The following SAMD5 variants were observed in gnomAD, a reference collection of about 807,000 sequenced individuals.
SAMD5 encodes the protein sterile alpha motif domain containing 5.
In SAMD5, 13 loss-of-function variants were observed where a neutral mutation model predicts 11.3. The ratio of observed to expected loss-of-function variants is 1.15; its 90% CI spans 0.75 to 1.83. SAMD5 has a LOEUF of 1.83. SAMD5 is among the 40% of genes most tolerant of loss of function. The pLI is 0.00. For synonymous variants in SAMD5, 129 were observed against 111.3 expected (o/e 1.16, Z -1.00); for missense variants, 255 against 239.1 (o/e 1.07, Z -0.44).
the SAMD5 span, among the ~76,000 whole-genome samples, chr6:147,890,713 AG>A: frequency 6.6e-6 from 1 of 152,122 alleles, no homozygotes. Context: ...ATACAGATGC[AG>A]GAAAATAGAG....
At chr6:147,750,696 G>A in the SAMD5 span, among the ~76,000 whole-genome samples, 21 of 152,286 alleles carry the variant, frequency 1.4e-4, no homozygotes, top group South Asian at 2.7e-3. Flanking sequence ...AGGCCAAGGC[G>A]GTGGATCACT....
At position 147,724,576 on chromosome 6, in the gene SAMD5, C is replaced by A. The variant is rs73787392; in HGVS notation, c.163-12741C>A. 8.4e-4 allele frequency among the ~76,000 whole-genome samples: 128 copies of A among 152,166 alleles called. 1 individual carries two copies. The highest frequency in any genetic ancestry group is 3.0e-3 in the African/African-American group (123 of 41,514). The stretch of plus-strand genomic sequence containing the variant: ...TGCCAATATTAAAAAGAAGAAAATT[C>A]TTTTAAAATGTGCAACTGAAAAAGT... On this transcript the variant is annotated intron_variant, in intron 1 of 1. Transcript: ENST00000566741.
the SAMD5 span, among the ~76,000 whole-genome samples, chr6:147,806,015 G>T: frequency 6.6e-6 from 1 of 152,078 alleles, no homozygotes; most frequent in African/African-American, 2.4e-5. Flanking sequence ...TTCATCTGGG[G>T]ACCACAGCAA....
At chr6:147,649,346 G>C (rs778317094) in intron 1 of SAMD5, among the ~76,000 whole-genome samples, 1 of 151,878 alleles carries the variant, frequency 6.6e-6, no homozygotes. Flanking sequence ...TCCAATTTGC[G>C]GAATATTGGC....
At chr6:147,825,198 G>C in the SAMD5 span, among the ~76,000 whole-genome samples, 2 of 152,266 alleles carry the variant, frequency 1.3e-5, no homozygotes, top group Non-Finnish European at 2.9e-5. Context: ...TAGGGAGGCT[G>C]AGGTAGGAGA....
intron 1 of SAMD5, among the ~76,000 whole-genome samples, chr6:147,719,905 G>C (rs1420454523): frequency 6.6e-6 from 1 of 152,074 alleles, no homozygotes; most frequent in Non-Finnish European, 1.5e-5. Context: ...TGAATAATCC[G>C]GGAAGATGCT....
chr6:147,940,354 A>T, the SAMD5 span, among the ~76,000 whole-genome samples: 6 of 152,130 alleles, frequency 3.9e-5, no homozygotes, highest in African/African-American at 1.4e-4. Flanking sequence ...TCCATATTCT[A>T]CTAGTTAGAA....
chr6:147,892,081 C>A, the SAMD5 span, among the ~76,000 whole-genome samples: 5 of 152,214 alleles, frequency 3.3e-5, no homozygotes, highest in East Asian at 3.9e-4. Flanking sequence ...TCAGGCTCTC[C>A]TGGGTTGCAA....
the SAMD5 span, among the ~76,000 whole-genome samples, chr6:147,763,974 G>A: frequency 5.9e-5 from 9 of 152,162 alleles, no homozygotes; most frequent in African/African-American, 2.2e-4. Flanking sequence ...TCCTGACTTG[G>A]GTGCACACGT....
chr6:147,758,493 G>A, the SAMD5 span, among the ~76,000 whole-genome samples: 1 of 152,248 alleles, frequency 6.6e-6, no homozygotes, highest in African/African-American at 2.4e-5. Flanking sequence ...CGTCCTGTCT[G>A]CCCATCCTAT....
chr6:147,755,328 T>A, the SAMD5 span, among the ~76,000 whole-genome samples: 1 of 152,234 alleles, frequency 6.6e-6, no homozygotes, highest in Middle Eastern at 3.4e-3. Flanking sequence ...CTATAGTAAA[T>A]GGTATTACTT....
At chr6:147,763,776 G>T in the SAMD5 span, among the ~76,000 whole-genome samples, 260 of 151,858 alleles carry the variant, frequency 1.7e-3, no homozygotes, top group African/African-American at 6.0e-3. Context: ...TAGAGACGGG[G>T]TTTCACCGTG....
the SAMD5 span, among the ~76,000 whole-genome samples, chr6:147,870,011 G>A: frequency 5.7e-4 from 86 of 152,122 alleles, no homozygotes; most frequent in African/African-American, 2.0e-3. Flanking sequence ...CACCACGCCC[G>A]GCCAATATAA....
At chr6:147,645,886 G>A (rs1028000185) in intron 1 of SAMD5, among the ~76,000 whole-genome samples, 11 of 152,128 alleles carry the variant, frequency 7.2e-5, no homozygotes, top group South Asian at 2.1e-4. Flanking sequence ...ATACATCCAC[G>A]GGCCGGAACT....
At chr6:147,683,388 T>G (rs932675586) in intron 1 of SAMD5, among the ~76,000 whole-genome samples, 3 of 152,252 alleles carry the variant, frequency 2.0e-5, no homozygotes, top group African/African-American at 7.2e-5. Flanking sequence ...TCTAAAGAGA[T>G]CTCTGTCTAT....
chr6:147,583,078 C>G (rs1288855034), intron 1 of SAMD5, among the ~76,000 whole-genome samples: 1 of 152,180 alleles, frequency 6.6e-6, no homozygotes, highest in Non-Finnish European at 1.5e-5. Flanking sequence ...AAGCAACATA[C>G]CCTTTCATTA....
chr6:147,666,014 C>G (rs1158744750), intron 1 of SAMD5, among the ~76,000 whole-genome samples: 2 of 152,238 alleles, frequency 1.3e-5, no homozygotes. Flanking sequence ...TCTCGGCTCA[C>G]TGCAACCTCC....
the SAMD5 span, among the ~76,000 whole-genome samples, chr6:147,778,646 C>G: frequency 3.9e-5 from 6 of 152,144 alleles, no homozygotes; most frequent in African/African-American, 1.2e-4. Flanking sequence ...TTGATTGGGT[C>G]TTGGTTCAAA....
chr6:147,905,951 A>C, the SAMD5 span, among the ~76,000 whole-genome samples: 1 of 152,190 alleles, frequency 6.6e-6, no homozygotes, highest in African/African-American at 2.4e-5. Flanking sequence ...TGAGGGCTGC[A>C]TGGGGCCTTG....
Sources: gnomAD v4.1 joint callset for allele counts (sites outside exome capture counted in the v4.1 genomes callset) on GRCh38, gnomAD v4.1.1 for gene constraint, MANE v1.5 for transcripts, NCBI Gene and HGNC (gene_info 2026-07-23, HGNC 2026-07-21) for gene names.